The following TTC3 variants were observed in gnomAD, a reference collection of about 807,000 sequenced individuals.
The protein encoded by TTC3 is tetratricopeptide repeat domain 3, also known as E3 ubiquitin-protein ligase TTC3.
In TTC3, 180 loss-of-function variants were observed where a neutral mutation model predicts 249.6. The ratio of observed to expected loss-of-function variants is 0.72; its 90% CI spans 0.64 to 0.82. TTC3 has a LOEUF of 0.82. Among genes scored for constraint, TTC3 ranks in the 40% least tolerant of loss-of-function variants. The pLI is 0.00. For synonymous variants in TTC3, 717 were observed against 805.0 expected (o/e 0.89, Z 1.85); for missense variants, 2,061 against 2,398.4 (o/e 0.86, Z 2.94).
chr21:37,114,549 T>G (rs1349125221), intron 11 of TTC3, among the ~76,000 whole-genome samples: 1 of 152,150 alleles, frequency 6.6e-6, no homozygotes, highest in Non-Finnish European at 1.5e-5. Flanking sequence ...CTGGAGAGGA[T>G]GTGGAGAAAT....
chr21:37,077,254 A>T (rs771265436), intron 1 of TTC3, among the ~76,000 whole-genome samples: 13 of 152,032 alleles, frequency 8.6e-5, no homozygotes, highest in Non-Finnish European at 2.9e-5. Flanking sequence ...TTATGGTGAT[A>T]TTTTTTAAAT....
chr21:37,073,360 C>A (rs2070299125), exon 1 of TTC3: 2 of 940,004 alleles, frequency 2.1e-6, no homozygotes, highest in Non-Finnish European at 1.3e-6. Flanking sequence ...GGGCGGCGGG[C>A]CCGGGTGAGT....
intron 24 of TTC3, 100 bp from the exon 25 acceptor site, chr21:37,150,720 G>C (rs561008013): frequency 9.9e-6 from 8 of 809,450 alleles, no homozygotes; most frequent in African/African-American, 6.9e-5. Flanking sequence ...CTATCAAACT[G>C]AACATTATGT....
At chr21:37,135,319 T>G (rs1300863393) in intron 17 of TTC3, 61 bp from the exon 18 acceptor site, 1 of 1,536,306 alleles carries the variant, frequency 6.5e-7, no homozygotes, top group East Asian at 2.3e-5. Context: ...ACTTGGCATC[T>G]TAGGTTTTAA....
chr21:37,156,890 ATTC>A lies in TTC3; in HGVS notation c.2979_2981del (p.Phe994del), dbSNP rs773233421. ...CAGCATTGCATAGTGCTTTAGATGA[ATTC>A]TTTGATATAATGGGTATGTGGACTG... is the stretch of plus-strand genomic sequence containing the variant. On this transcript the variant is annotated inframe_deletion, in exon 28 of 46. Coordinates refer to ENST00000355666, the Ensembl canonical transcript of TTC3. 6.8e-6 allele frequency: 11 copies of A among 1,613,528 alleles called. No homozygotes were observed. In the African/African-American group the frequency reaches 1.2e-4, roughly 18 times the overall value.
intron 1 of TTC3, among the ~76,000 whole-genome samples, chr21:37,079,533 T>G (rs146806060): frequency 0.47 from 63,739 of 134,296 alleles, 15,879 homozygotes; most frequent in Non-Finnish European, 0.53. Flanking sequence ...TTTTTTTTTT[T>G]TTTTTTTTTT....
chr21:37,169,834 C>T (rs1242808037), intron 34 of TTC3, among the ~76,000 whole-genome samples: 5 of 149,334 alleles, frequency 3.3e-5, no homozygotes, highest in African/African-American at 5.0e-5. Context: ...GGCGACAGTG[C>T]GAGACTCTGT....
chr21:37,130,145 A>G (rs1188496950), intron 16 of TTC3, among the ~76,000 whole-genome samples: 5 of 152,170 alleles, frequency 3.3e-5, no homozygotes, highest in African/African-American at 1.2e-4. Context: ...TTCAGGGGGA[A>G]TGATTTGAAT....
intron 1 of TTC3, among the ~76,000 whole-genome samples, chr21:37,073,678 C>T (rs2070363490): frequency 6.6e-6 from 1 of 152,090 alleles, no homozygotes; most frequent in East Asian, 1.9e-4. Flanking sequence ...CGCAACCCCC[C>T]GCTGCCCGTG....
Position 37,195,840 on chromosome 21 carries a change from C to T in TTC3, c.5383C>T (p.Pro1795Ser), listed in dbSNP as rs781598350. The T allele has an allele frequency of 2.4e-5, 39 of 1,614,124 alleles. No homozygotes were observed. Among genetic ancestry groups the T allele is most frequent in the Non-Finnish European group, 1.6e-5 (19 of 1,180,040 alleles). Residue 1795 changes from proline (P) to serine (S), a missense_variant, in exon 42 of 46, where the codon CCC (proline) becomes TCC (serine). Pro to Ser is a moderately conservative substitution (Grantham distance 74). This residue lies in a region of TTC3 where 1,040 missense variants were observed against 1,186.1 expected (regional missense o/e 0.88). Transcript: ENST00000355666. ...TCCTTCTGCGCTGTTGCCAGGGCCACCCCCTGGTCAGCCTGAAGCCACTCA... is the reference window on the plus strand; with the variant it reads ...TCCTTCTGCGCTGTTGCCAGGGCCATCCCCTGGTCAGCCTGAAGCCACTCA...
At chr21:37,144,183 G>T (rs1473943760) in intron 20 of TTC3, among the ~76,000 whole-genome samples, 2 of 151,652 alleles carry the variant, frequency 1.3e-5, no homozygotes, top group African/African-American at 4.8e-5. Flanking sequence ...CATGGCACAT[G>T]TATACCTATG....
intron 1 of TTC3, chr21:37,083,190 G>C (rs2071942601): frequency 1.0e-6 from 1 of 985,300 alleles, no homozygotes; most frequent in Admixed American, 6.1e-5. Flanking sequence ...ATAGACATTA[G>C]GTGGTTGCAG....
Position 37,124,601 on chromosome 21 carries a change from C to CT in TTC3, c.1110-12dup. The CT allele has an allele frequency of 1.2e-6, 2 of 1,603,078 alleles. No homozygotes were observed. Among genetic ancestry groups the CT allele is most frequent in the African/African-American group, 1.3e-5 (1 of 74,374 alleles). On this transcript the variant is annotated splice_polypyrimidine_tract_variant and intron_variant, in intron 13 of 45. Coordinates refer to ENST00000355666, the Ensembl canonical transcript of TTC3. ...ACTTTCAAAAAATGTATAATAATTCCTTTTTTCCCCCACTTAGGGCCTACA... is the reference window on the plus strand; with the variant it reads ...ACTTTCAAAAAATGTATAATAATTCCTTTTTTTCCCCCACTTAGGGCCTACA...
intron 10 of TTC3, among the ~76,000 whole-genome samples, chr21:37,103,144 A>C (rs1173495433): frequency 6.6e-6 from 1 of 152,228 alleles, no homozygotes; most frequent in South Asian, 2.1e-4. Flanking sequence ...AGGAATAATT[A>C]GCAAATCCAC....
chr21:37,095,147 G>GTA (rs2073792253), intron 8 of TTC3, among the ~76,000 whole-genome samples: 1 of 151,648 alleles, frequency 6.6e-6, no homozygotes, highest in Non-Finnish European at 1.5e-5. Flanking sequence ...ATGTGTGTGT[G>GTA]TGTGTGTGTG....
chr21:37,083,271 TG>T (rs1343711873), intron 1 of TTC3: 1 of 985,262 alleles, frequency 1.0e-6, no homozygotes, highest in Non-Finnish European at 1.2e-6. Flanking sequence ...GTGGAGTGAC[TG>T]GGGATAAAAG....
chr21:37,087,333 T>G (rs1284292125), exon 2 of TTC3: 1 of 1,614,064 alleles, frequency 6.2e-7, no homozygotes, highest in East Asian at 2.2e-5. Flanking sequence ...CGTGGATGAT[T>G]GTGTCTTTGC....
At chr21:37,191,102 A>AT (rs2084029329) in intron 39 of TTC3, among the ~76,000 whole-genome samples, 1 of 152,116 alleles carries the variant, frequency 6.6e-6, no homozygotes, top group South Asian at 2.1e-4. Context: ...CAGGAGACTT[A>AT]TTTTCTCTCT....
chr21:37,136,072 C>G (rs1176181022), intron 18 of TTC3, among the ~76,000 whole-genome samples: 1 of 152,094 alleles, frequency 6.6e-6, no homozygotes, highest in Non-Finnish European at 1.5e-5. Context: ...ACAATCTGTG[C>G]CTATGTAAGA....
Sources: allele counts gnomAD v4.1 joint callset (sites outside exome capture counted in the v4.1 genomes callset), GRCh38; gene constraint gnomAD v4.1.1; regional missense constraint gnomAD v4.1.1; transcripts MANE v1.5; gene names NCBI Gene and HGNC (gene_info 2026-07-23, HGNC 2026-07-21).